Variants in ZNF516 observed in about 807,000 individuals in gnomAD.
The protein encoded by ZNF516 is zinc finger protein 516.
Under a neutral mutation model 79.7 loss-of-function variants are expected in ZNF516, and 19 were observed. The ratio of observed to expected loss-of-function variants is 0.24; its 90% CI spans 0.17 to 0.35. ZNF516 has a LOEUF of 0.35. ZNF516 is among the 10% of genes least tolerant of loss of function. The probability of loss-of-function intolerance (pLI) is 1.00; values close to 1 mark genes in which losing one functional copy is unlikely to be tolerated. For missense variants in ZNF516, 1,678 were observed against 1,679.5 expected (o/e 1.00, Z 0.02); for synonymous variants, 877 against 739.5 (o/e 1.19, Z -3.02).
At chr18:76,437,242 G>T (rs1396478205) in intron 3 of ZNF516, among the ~76,000 whole-genome samples, 2 of 152,182 alleles carry the variant, frequency 1.3e-5, no homozygotes, top group Non-Finnish European at 1.5e-5. Flanking sequence ...AGCACGGACA[G>T]CCAGCCAGCC....
intron 1 of ZNF516, chr18:76,490,149 A>G: frequency 2.0e-6 from 2 of 985,222 alleles, no homozygotes; most frequent in Non-Finnish European, 2.4e-6. Flanking sequence ...CACAGAATTC[A>G]GTTCATCCCA....
chr18:76,362,879 C>T (rs927035237), intron 6 of ZNF516, among the ~76,000 whole-genome samples: 3 of 152,146 alleles, frequency 2.0e-5, no homozygotes, highest in Admixed American at 6.5e-5. Context: ...GTGTCTGAAC[C>T]AGCTCTGGAG....
chr18:76,398,150 G>A (rs1001334505), intron 3 of ZNF516, among the ~76,000 whole-genome samples: 23 of 152,068 alleles, frequency 1.5e-4, no homozygotes, highest in African/African-American at 4.3e-4. Flanking sequence ...AAGAAGCGTC[G>A]CTCAGGTTTG....
At chr18:76,410,243 G>C (rs889646843) in intron 3 of ZNF516, among the ~76,000 whole-genome samples, 1 of 152,186 alleles carries the variant, frequency 6.6e-6, no homozygotes, top group African/African-American at 2.4e-5. Flanking sequence ...GCCACAGCTG[G>C]GTTCCTTCTC....
At chr18:76,474,690 T>C (rs909403537) in intron 1 of ZNF516, among the ~76,000 whole-genome samples, 1 of 152,080 alleles carries the variant, frequency 6.6e-6, no homozygotes, top group Admixed American at 6.5e-5. Context: ...AAAACTACAG[T>C]AAAACTGATA....
chr18:76,385,498 GTC>G (rs1332216264), intron 3 of ZNF516: 1 of 152,194 alleles, frequency 6.6e-6, no homozygotes, highest in African/African-American at 2.4e-5. Context: ...TAACAAAAAA[GTC>G]TGCAGCCACG....
intron 3 of ZNF516, among the ~76,000 whole-genome samples, chr18:76,440,742 T>TTGTGTGTGTG (rs138856557): frequency 4.4e-4 from 66 of 150,048 alleles, no homozygotes; most frequent in African/African-American, 1.2e-3. Context: ...GTGTGTGTGT[T>TTGTGTGTGTG]TGTGTGTGTG....
At chr18:76,491,163 C>A (rs1225939811) in intron 1 of ZNF516, 3 of 937,640 alleles carry the variant, frequency 3.2e-6, no homozygotes, top group Non-Finnish European at 3.8e-6. Context: ...ATTACCTGGG[C>A]TCCGCCGCGC....
intron 3 of ZNF516, among the ~76,000 whole-genome samples, chr18:76,429,164 TC>T (rs1483152662): frequency 2.0e-5 from 3 of 151,960 alleles, no homozygotes; most frequent in East Asian, 1.9e-4. Flanking sequence ...TGGAAGCCCC[TC>T]CCCCAGCACA....
intron 1 of ZNF516, among the ~76,000 whole-genome samples, chr18:76,470,886 A>G (rs1913792636): frequency 1.3e-5 from 2 of 152,186 alleles, no homozygotes; most frequent in Non-Finnish European, 1.5e-5. Flanking sequence ...GCATGGTGGC[A>G]GGCGCCCGTA....
chr18:76,377,075 G>C (rs1212714010), intron 4 of ZNF516, among the ~76,000 whole-genome samples: 1 of 152,254 alleles, frequency 6.6e-6, no homozygotes, highest in Non-Finnish European at 1.5e-5. Context: ...AAACCCTGCT[G>C]ACGCTGAGGG....
At chr18:76,370,351 C>T (rs1055410814) in intron 6 of ZNF516, among the ~76,000 whole-genome samples, 177 bp downstream of exon 6, 1 of 152,182 alleles carries the variant, frequency 6.6e-6, no homozygotes, top group African/African-American at 2.4e-5. Context: ...GACCTCTGTG[C>T]GGGTACTGCC....
chr18:76,486,942 T>C (rs959489853), intron 1 of ZNF516, among the ~76,000 whole-genome samples: 1 of 152,212 alleles, frequency 6.6e-6, no homozygotes, highest in Non-Finnish European at 1.5e-5. Context: ...AAATACAGTA[T>C]ATGGTAAGAT....
At chr18:76,374,194 C>G (rs1314796303) in intron 4 of ZNF516, among the ~76,000 whole-genome samples, 2 of 152,210 alleles carry the variant, frequency 1.3e-5, no homozygotes, top group Non-Finnish European at 2.9e-5. Context: ...ATAAGAAATA[C>G]CATCTATTCT....
chr18:76,456,184 C>G (rs1196434681), intron 2 of ZNF516, among the ~76,000 whole-genome samples: 1 of 152,224 alleles, frequency 6.6e-6, no homozygotes, highest in Non-Finnish European at 1.5e-5. Flanking sequence ...TTAGCTCACG[C>G]TCCTGGCCTG....
At chr18:76,382,348 A>C (rs760835112) in intron 3 of ZNF516, among the ~76,000 whole-genome samples, 4 of 152,172 alleles carry the variant, frequency 2.6e-5, no homozygotes, top group Non-Finnish European at 5.9e-5. Flanking sequence ...CGTTCGACTC[A>C]TTTCTAAATA....
At chr18:76,437,470 C>T (rs2075758702) in intron 3 of ZNF516, among the ~76,000 whole-genome samples, 2 of 151,792 alleles carry the variant, frequency 1.3e-5, no homozygotes, top group Admixed American at 1.3e-4. Flanking sequence ...AGACTCTTTC[C>T]TTGATTCTTC....
At chr18:76,473,096 G>A (rs761829192) in intron 1 of ZNF516, among the ~76,000 whole-genome samples, 8 of 152,054 alleles carry the variant, frequency 5.3e-5, no homozygotes, top group African/African-American at 9.7e-5. Flanking sequence ...TATAAATACC[G>A]CCACTAGTGG....
At chr18:76,418,460 G>A (rs536539776) in intron 3 of ZNF516, among the ~76,000 whole-genome samples, 20 of 146,934 alleles carry the variant, frequency 1.4e-4, no homozygotes, top group Admixed American at 1.3e-3. Flanking sequence ...GTAACATGCT[G>A]TAACACGCTA....
Sources: allele counts gnomAD v4.1 joint callset (sites outside exome capture counted in the v4.1 genomes callset), GRCh38; gene constraint gnomAD v4.1.1; transcripts MANE v1.5; gene names NCBI Gene and HGNC (gene_info 2026-07-23, HGNC 2026-07-21).